NUP205: variants seen among roughly 807,000 people sequenced by gnomAD.
NUP205 encodes nuclear pore complex protein Nup205.
NUP205 carries 76 observed loss-of-function variants against 253.8 expected under a neutral mutation model. The observed-to-expected ratio is 0.30, with a 90% CI of 0.25 to 0.36. NUP205 has a LOEUF of 0.36. Ranked by LOEUF, NUP205 falls within the 10% of genes least tolerant of loss-of-function variation. The pLI is 1.00. For synonymous variants in NUP205, 832 were observed against 850.1 expected (o/e 0.98, Z 0.37); for missense variants, 2,162 against 2,425.5 (o/e 0.89, Z 2.28).
At chr7:135,592,475 TAATCCAGA>T (rs1806655462) in intron 11 of NUP205, among the ~76,000 whole-genome samples, 2 of 152,356 alleles carry the variant, frequency 1.3e-5, no homozygotes, top group South Asian at 4.1e-4. Flanking sequence ...GAGTAAAAGT[TAATCCAGA>T]GGAAAAATTA....
chr7:135,597,168 C>A, intron 13 of NUP205, 200 bp from the exon 14 acceptor site: 1 of 486,796 alleles, frequency 2.1e-6, no homozygotes, highest in Non-Finnish European at 3.7e-6. Flanking sequence ...TTTCAGAACC[C>A]CAGACAGTCA....
chr7:135,645,078 TATTCTC>T (rs934889584), intron 40 of NUP205, 60 bp downstream of exon 40: 22 of 1,581,622 alleles, frequency 1.4e-5, no homozygotes, highest in Middle Eastern at 1.7e-4. Context: ...ACTGTTCACT[TATTCTC>T]ATATTATTTG....
Position 135,648,657 on chromosome 7 carries a change from C to A in NUP205, c.*101C>A. 1 of 986,572 alleles carries A rather than the reference C, an allele frequency of 1.0e-6. No individual in the cohort carries two copies. The highest frequency in any genetic ancestry group is 1.4e-6 in the Non-Finnish European group (1 of 726,618). The allele number at this position is 986,572 out of a possible 1,614,324, so 61.1% of individuals were successfully genotyped here. ...CTAAATTATGACCAAAAATATTTTG[C>A]TATTTCTTTCTTTGTATATGGACAT... On this transcript the variant is annotated 3_prime_UTR_variant, in exon 43 of 43. Coordinates refer to ENST00000285968, the MANE Select transcript of NUP205 (RefSeq NM_015135.3).
At chr7:135,570,052 T>TATATATATATAG (rs1284263475) in intron 1 of NUP205, among the ~76,000 whole-genome samples, 5 of 79,166 alleles carry the variant, frequency 6.3e-5, no homozygotes, top group African/African-American at 2.6e-4. Flanking sequence ...TATATATATA[T>TATATATATATAG]AGAGAGAGAG....
At chr7:135,622,101 C>G (rs989953908) in intron 30 of NUP205, among the ~76,000 whole-genome samples, 6 of 149,526 alleles carry the variant, frequency 4.0e-5, no homozygotes, top group African/African-American at 1.5e-4. Context: ...CCACGCCTGG[C>G]AATTTTAAAA....
chr7:135,570,761 T>TATTATATAAATATATATTA (rs1805957308), intron 1 of NUP205, among the ~76,000 whole-genome samples: 1 of 89,768 alleles, frequency 1.1e-5, no homozygotes, highest in Non-Finnish European at 2.1e-5. Flanking sequence ...TATATTTATA[T>TATTATATAAATATATATTA]ATTATATTAA....
At chr7:135,639,179 G>C (rs1173041921) in intron 38 of NUP205, among the ~76,000 whole-genome samples, 1 of 151,904 alleles carries the variant, frequency 6.6e-6, no homozygotes, top group Non-Finnish European at 1.5e-5. Flanking sequence ...GGGTAAAGCT[G>C]TTATCCTATG....
At position 135,607,308 on chromosome 7, in the gene NUP205, G is replaced by A. The variant is rs756658186; in HGVS notation, c.3132G>A (p.Thr1044=). The A allele has an allele frequency of 3.7e-6, 6 of 1,614,022 alleles. No homozygotes were observed. The Admixed American group carries it at 6.7e-5, about 18-fold the overall frequency. ...TTCTAAACATCTTGGAGAAAGGAACGGAAGGGAGAACAGGCCCAGTGGCGG... is the reference window on the plus strand; with the variant it reads ...TTCTAAACATCTTGGAGAAAGGAACAGAAGGGAGAACAGGCCCAGTGGCGG... ...HAILNILEKG[T]EGRTGPVAVR... The change falls in exon 22 of 43, where the codon ACG becomes ACA. Residue 1044 remains threonine (T), a synonymous_variant. Transcript: ENST00000285968.
chr7:135,593,327 CTTAAG>C, intron 12 of NUP205, 135 bp downstream of exon 12: 1 of 792,976 alleles, frequency 1.3e-6, no homozygotes, highest in Non-Finnish European at 2.0e-6. Flanking sequence ...GCATTCTGCC[CTTAAG>C]TTTTTTGTTT....
intron 35 of NUP205, among the ~76,000 whole-genome samples, chr7:135,632,000 C>T (rs1348845486): frequency 6.6e-6 from 1 of 152,176 alleles, no homozygotes; most frequent in Non-Finnish European, 1.5e-5. Context: ...CCGCCTCGGC[C>T]TCCCAAAGTG....
intron 3 of NUP205, among the ~76,000 whole-genome samples, chr7:135,574,858 C>T (rs1223829319): frequency 6.6e-6 from 1 of 152,094 alleles, no homozygotes; most frequent in Non-Finnish European, 1.5e-5. Context: ...AAAATATGGG[C>T]ATGTTAGTTG....
At chr7:135,587,463 T>C (rs997881735) in intron 8 of NUP205, 112 bp from the exon 9 acceptor site, 7 of 494,766 alleles carry the variant, frequency 1.4e-5, no homozygotes, top group Middle Eastern at 5.1e-4. Context: ...GGAATAGATA[T>C]TTAAAAAATA....
rs755936006 is a variant in NUP205, at chr7:135,587,678, A to G, written c.1322A>G (p.His441Arg). 4 of 1,597,146 alleles carry G rather than the reference A, an allele frequency of 2.5e-6. No homozygotes were observed. Among genetic ancestry groups the G allele is most frequent in the Middle Eastern group, 1.7e-4 (1 of 6,006 alleles). Residue 441 changes from histidine to arginine, a missense_variant, in exon 9 of 43, where the codon CAC (histidine) becomes CGC (arginine). This residue lies in a region of NUP205 where 892 missense variants were observed against 957.1 expected (regional missense o/e 0.93). Coordinates refer to ENST00000285968, the MANE Select transcript of NUP205 (RefSeq NM_015135.3). ...PPISLRRDLE[H>R]LMLLIGELYK... ...ATTTCACTTAGAAGGGACCTGGAAC[A>G]CTTAATGCTTTTGGTAAGCCATTAT...
intron 13 of NUP205, among the ~76,000 whole-genome samples, chr7:135,595,012 C>A (rs1793792367): frequency 6.6e-6 from 1 of 152,084 alleles, no homozygotes; most frequent in African/African-American, 2.4e-5. Context: ...ACTAGATGGA[C>A]AGAATTTGTC....
chr7:135,626,633 T>C (rs1251252252), intron 33 of NUP205, among the ~76,000 whole-genome samples: 1 of 152,216 alleles, frequency 6.6e-6, no homozygotes, highest in African/African-American at 2.4e-5. Flanking sequence ...ACACTATCTT[T>C]TAAAGAGTTG....
intron 12 of NUP205, among the ~76,000 whole-genome samples, chr7:135,593,546 T>C (rs1055897701): frequency 6.6e-6 from 1 of 152,208 alleles, no homozygotes; most frequent in Non-Finnish European, 1.5e-5. Context: ...AATATTGTAA[T>C]TAAAAGTCAT....
chr7:135,571,153 A>G lies in NUP205; in HGVS notation c.77A>G (p.Asn26Ser), dbSNP rs1217632380. 1.9e-6 allele frequency: 3 copies of G among 1,544,698 alleles called. No homozygotes were observed. Among genetic ancestry groups the G allele is most frequent in the South Asian group, 1.2e-5 (1 of 82,424 alleles). Residue 26 changes from asparagine (N) to serine (S), a missense_variant, in exon 2 of 43, where the codon AAT becomes AGT. Asn to Ser is a conservative substitution (Grantham distance 46). Transcript: ENST00000285968. ...PYKDIWHKVG[N>S]ALWRRQPEAV... ...AAAGACATTTGGCATAAAGTGGGAAATGCTCTTTGGAGAAGACAACCTGAA... is the reference window on the plus strand; with the variant it reads ...AAAGACATTTGGCATAAAGTGGGAAGTGCTCTTTGGAGAAGACAACCTGAA...
rs1470957979 is a variant in NUP205, at chr7:135,638,576, A to C, written c.5285A>C (p.Glu1762Ala). 1 of 1,613,806 alleles carries C rather than the reference A, an allele frequency of 6.2e-7. No homozygotes were observed. Among genetic ancestry groups the C allele is most frequent in the African/African-American group, 1.3e-5 (1 of 74,868 alleles). Residue 1762 changes from glutamate to alanine, a missense_variant, in exon 38 of 43, where the codon GAA (glutamate) becomes GCA (alanine). Around this residue, in one of 5 missense-constraint regions of NUP205, gnomAD observed 1,144 missense variants for 1,280.9 expected, o/e 0.89. Transcript: ENST00000285968. ...AMQQICANVM[E>A]YCQSLMLQSS... ...TTATAGATTTGTGCCAATGTAATGG[A>C]ATATTGCCAGTCACTCATGTTACAG... is the stretch of plus-strand genomic sequence containing the variant.
intron 1 of NUP205, among the ~76,000 whole-genome samples, chr7:135,568,487 A>C (rs1230413196): frequency 6.7e-6 from 1 of 150,354 alleles, no homozygotes; most frequent in African/African-American, 2.5e-5. Context: ...GTGCGCCACC[A>C]CTCCTGGCTA....
Sources: gnomAD v4.1 joint callset for allele counts (sites outside exome capture counted in the v4.1 genomes callset) on GRCh38, gnomAD v4.1.1 for gene constraint, gnomAD v4.1.1 regional missense constraint, MANE v1.5 for transcripts, NCBI Gene and HGNC (gene_info 2026-07-23, HGNC 2026-07-21) for gene names.